STMN2: variants seen among roughly 807,000 people sequenced by gnomAD.
STMN2 encodes the protein stathmin-2.
STMN2 carries 2 observed loss-of-function variants against 24.1 expected under a neutral mutation model. The ratio of observed to expected loss-of-function variants is 0.08; its 90% CI spans 0.03 to 0.26. The LOEUF (loss-of-function observed/expected upper bound fraction) is 0.26. Among genes scored for constraint, STMN2 ranks in the 10% least tolerant of loss-of-function variants. The pLI is 1.00. For missense variants in STMN2, 114 were observed against 213.6 expected (o/e 0.53, Z 2.91); for synonymous variants, 83 against 77.5 (o/e 1.07, Z -0.37).
intron 3 of STMN2, among the ~76,000 whole-genome samples, chr8:79,643,480 T>C (rs1810155256): frequency 6.6e-6 from 1 of 152,036 alleles, no homozygotes; most frequent in Non-Finnish European, 1.5e-5. Context: ...GGTCGACATA[T>C]ATTGAGATGC....
At chr8:79,613,850 A>G in intron 1 of STMN2, 2 of 984,428 alleles carry the variant, frequency 2.0e-6, no homozygotes, top group Non-Finnish European at 2.4e-6. Flanking sequence ...TGGCTAAGAT[A>G]CATGTGCAAG....
chr8:79,639,337 A>G (rs2130354710), intron 2 of STMN2, among the ~76,000 whole-genome samples: 1 of 152,344 alleles, frequency 6.6e-6, no homozygotes, highest in South Asian at 2.1e-4. Context: ...CTGTTTTCAA[A>G]TACTTGAAAA....
rs149556131 is a variant in STMN2 at position 79,625,784 on chromosome 8, C to T, written c.20-11018C>T. 7.7e-3 allele frequency among the ~76,000 whole-genome samples: 1,170 copies of T among 151,936 alleles called. 15 individuals carry two copies. Among genetic ancestry groups the T allele is most frequent in the African/African-American group, 0.027 (1,111 of 41,428 alleles). On this transcript the variant is annotated intron_variant, in intron 1 of 4. Transcript: ENST00000220876. Reference sequence around the variant, plus strand: ...ACCAGCCTGGACAACATGGTGAAACCCTGTCTCTACTAAAAATACAAAAAT... The same window carrying T: ...ACCAGCCTGGACAACATGGTGAAACTCTGTCTCTACTAAAAATACAAAAAT...
chr8:79,664,692 C>CTTA, intron 4 of STMN2, 123 bp from the exon 5 acceptor site: 1 of 781,420 alleles, frequency 1.3e-6, no homozygotes, highest in Non-Finnish European at 1.9e-6. Flanking sequence ...TATTTTCCTT[C>CTTA]TGAAATGGGA....
At chr8:79,662,206 A>G (rs576041188) in intron 4 of STMN2, among the ~76,000 whole-genome samples, 11 of 152,264 alleles carry the variant, frequency 7.2e-5, no homozygotes, top group East Asian at 3.9e-4. Flanking sequence ...GCTGCATACA[A>G]TGCTAAAATA....
chr8:79,650,308 A>C (rs550002030), intron 3 of STMN2, among the ~76,000 whole-genome samples: 1 of 152,316 alleles, frequency 6.6e-6, no homozygotes, highest in East Asian at 1.9e-4. Flanking sequence ...AAGTCCACGC[A>C]ATCACAATTC....
rs537659092 is a variant in STMN2, at chr8:79,636,784, T to A, written c.20-18T>A. On this transcript the variant is annotated intron_variant, in intron 1 of 4. Transcript: ENST00000220876. ...TCAGAAAAAATGAAATATACTAATCTTCAGCTTTTCATTTCAGCCTACAAG... is the reference window on the plus strand; with the variant it reads ...TCAGAAAAAATGAAATATACTAATCATCAGCTTTTCATTTCAGCCTACAAG... The A allele has an allele frequency of 2.3e-5, 37 of 1,609,420 alleles. No individual in the cohort carries two copies. The South Asian group carries it at 4.1e-4, about 18-fold the overall frequency.
intron 4 of STMN2, among the ~76,000 whole-genome samples, chr8:79,659,695 A>G (rs1238169466): frequency 6.6e-6 from 1 of 152,190 alleles, no homozygotes; most frequent in African/African-American, 2.4e-5. Flanking sequence ...ACGTGTAAAC[A>G]TATTGACCAA....
At chr8:79,645,837 C>T (rs1290280962) in intron 3 of STMN2, among the ~76,000 whole-genome samples, 1 of 152,086 alleles carries the variant, frequency 6.6e-6, no homozygotes, top group East Asian at 1.9e-4. Flanking sequence ...TCCTTTGTGG[C>T]ACCTAGCACA....
At chr8:79,663,642 G>A in intron 4 of STMN2, 1 of 1,529,522 alleles carries the variant, frequency 6.5e-7, no homozygotes, top group Non-Finnish European at 8.7e-7. Flanking sequence ...TGGAGCTTCA[G>A]AGGGAAGGAG....
At chr8:79,630,909 T>A (rs200467092) in intron 1 of STMN2, among the ~76,000 whole-genome samples, 1 of 151,604 alleles carries the variant, frequency 6.6e-6, no homozygotes, top group Non-Finnish European at 1.5e-5. Flanking sequence ...GATAAAAAAA[T>A]CCCTCAATAC....
chr8:79,618,847 A>C (rs1259823290), intron 1 of STMN2, among the ~76,000 whole-genome samples: 1 of 152,204 alleles, frequency 6.6e-6, no homozygotes, highest in African/African-American at 2.4e-5. Flanking sequence ...TAGGAATTGT[A>C]CTTAGAGTAG....
intron 1 of STMN2, among the ~76,000 whole-genome samples, chr8:79,636,456 T>C (rs1009661490): frequency 1.3e-5 from 2 of 152,192 alleles, no homozygotes; most frequent in African/African-American, 4.8e-5. Flanking sequence ...AGCCTCTCTC[T>C]CTGGTAATCA....
intron 1 of STMN2, among the ~76,000 whole-genome samples, chr8:79,614,530 T>C (rs962090208): frequency 2.6e-5 from 4 of 152,258 alleles, no homozygotes; most frequent in Admixed American, 6.5e-5. Context: ...ATAAACACTC[T>C]CTGTCCCAGT....
intron 3 of STMN2, among the ~76,000 whole-genome samples, chr8:79,651,155 A>G (rs906019213): frequency 6.6e-6 from 1 of 152,202 alleles, no homozygotes; most frequent in Non-Finnish European, 1.5e-5. Flanking sequence ...TCCAGGGTGT[A>G]AGAAAAGGTA....
At chr8:79,650,127 T>A (rs145758582) in intron 3 of STMN2, among the ~76,000 whole-genome samples, 9 of 152,366 alleles carry the variant, frequency 5.9e-5, no homozygotes, top group Admixed American at 2.0e-4. Context: ...ATTTGCATTA[T>A]ATCAGCTGAT....
intron 1 of STMN2, among the ~76,000 whole-genome samples, chr8:79,623,742 G>T (rs1274449849): frequency 6.6e-6 from 1 of 151,886 alleles, no homozygotes; most frequent in Non-Finnish European, 1.5e-5. Context: ...CTCTCACAAG[G>T]TCATAATATA....
chr8:79,632,594 G>T (rs1171329553), intron 1 of STMN2, among the ~76,000 whole-genome samples: 1 of 152,162 alleles, frequency 6.6e-6, no homozygotes, highest in Non-Finnish European at 1.5e-5. Flanking sequence ...AAGAACACCA[G>T]TGTGTCGGGA....
At chr8:79,656,253 G>A (rs191401312) in intron 4 of STMN2, among the ~76,000 whole-genome samples, 2 of 152,290 alleles carry the variant, frequency 1.3e-5, no homozygotes, top group East Asian at 3.9e-4. Context: ...CTCTGATGCA[G>A]CAGTAAGACA....
Sources: allele counts gnomAD v4.1 joint callset (sites outside exome capture counted in the v4.1 genomes callset), GRCh38; gene constraint gnomAD v4.1.1; transcripts MANE v1.5; gene names NCBI Gene and HGNC (gene_info 2026-07-23, HGNC 2026-07-21).